TENM1: variants seen among roughly 807,000 people sequenced by gnomAD.
TENM1 encodes teneurin-1.
TENM1 carries 35 observed loss-of-function variants against 174.8 expected under a neutral mutation model. That is an observed-to-expected ratio of 0.20 (90% CI 0.15 to 0.27). TENM1 has a LOEUF of 0.27. Among genes scored for constraint, TENM1 ranks in the 10% least tolerant of loss-of-function variants. The pLI is 1.00. For synonymous variants in TENM1, 781 were observed against 798.7 expected (o/e 0.98, Z 0.37); for missense variants, 1,633 against 2,130.1 (o/e 0.77, Z 4.59).
chrX:124,645,016 G>A, intron 10 of TENM1, 127 bp downstream of exon 13: 1 of 599,113 alleles, frequency 1.7e-6, no homozygotes, highest in Admixed American at 3.5e-5. Flanking sequence ...TCTGCTGCAT[G>A]TACTAAGACG....
chrX:124,670,155 A>T (rs1163566674), intron 6 of TENM1, among the ~76,000 whole-genome samples: 1 of 112,092 alleles, frequency 8.9e-6, no homozygotes, highest in Non-Finnish European at 1.9e-5. Context: ...ATCATCATCA[A>T]CTTACTTTAT....
chrX:124,434,368 T>C (rs1200171957), intron 23 of TENM1, among the ~76,000 whole-genome samples: 1 of 111,645 alleles, frequency 9.0e-6, no homozygotes, highest in Non-Finnish European at 1.9e-5. Context: ...CCTAAGATAG[T>C]TCCTGGGGCC....
intron 20 of TENM1, among the ~76,000 whole-genome samples, chrX:124,493,295 T>C (rs749386884): frequency 2.7e-5 from 3 of 111,993 alleles, no homozygotes; most frequent in Non-Finnish European, 5.6e-5. Flanking sequence ...CTGTTAAGGA[T>C]CCTTGACCAA....
intron 11 of TENM1, among the ~76,000 whole-genome samples, chrX:124,640,655 G>A (rs1763379688): frequency 9.0e-6 from 1 of 111,671 alleles, no homozygotes; most frequent in Non-Finnish European, 1.9e-5. Context: ...TTAGCAATGT[G>A]CATGGTAAGA....
intron 27 of TENM1, among the ~76,000 whole-genome samples, chrX:124,398,631 TC>T (rs1251012137): frequency 9.9e-6 from 1 of 100,850 alleles, no homozygotes; most frequent in Non-Finnish European, 2.1e-5. Context: ...TTTCTTTTTT[TC>T]TTTTTTTTTA....
At chrX:124,873,239 A>C (rs1045911481) in intron 3 of TENM1, among the ~76,000 whole-genome samples, 2 of 111,052 alleles carry the variant, frequency 1.8e-5, no homozygotes, top group African/African-American at 6.5e-5. Context: ...CAGGAAAAAA[A>C]AATCTCCCTC....
At chrX:125,169,015 G>A in the TENM1 span, among the ~76,000 whole-genome samples, 3 of 110,509 alleles carry the variant, frequency 2.7e-5, no homozygotes, top group Admixed American at 1.9e-4. Flanking sequence ...TGCGCACGCA[G>A]ATCATATTTT....
chrX:125,081,822 G>A, the TENM1 span, among the ~76,000 whole-genome samples: 9 of 111,309 alleles, frequency 8.1e-5, no homozygotes, highest in Middle Eastern at 4.6e-3. Context: ...CATAAAAAAT[G>A]GAATCTTGTT....
intron 3 of TENM1, among the ~76,000 whole-genome samples, chrX:124,772,385 C>T (rs2054675764): frequency 8.9e-6 from 1 of 112,043 alleles, no homozygotes; most frequent in South Asian, 3.7e-4. Flanking sequence ...ATCTGCCCTC[C>T]TTGGCTTCGA....
At chrX:125,199,482 G>T in the TENM1 span, among the ~76,000 whole-genome samples, 1 of 112,242 alleles carries the variant, frequency 8.9e-6, no homozygotes, top group Non-Finnish European at 1.9e-5. Flanking sequence ...TAGAGCGGGG[G>T]TGGAGAATCC....
intron 5 of TENM1, among the ~76,000 whole-genome samples, chrX:124,695,317 C>T (rs1240125996): frequency 9.0e-6 from 1 of 111,401 alleles, no homozygotes; most frequent in East Asian, 2.8e-4. Context: ...CCAGGGATGA[C>T]AGATCTATTT....
chrX:124,892,122 G>A (rs1303535663), intron 3 of TENM1, among the ~76,000 whole-genome samples: 4 of 111,732 alleles, frequency 3.6e-5, no homozygotes, highest in Non-Finnish European at 7.5e-5. Flanking sequence ...GTATCACCTA[G>A]GTATTGACTG....
the TENM1 span, among the ~76,000 whole-genome samples, chrX:125,069,620 G>C: frequency 9.1e-6 from 1 of 110,459 alleles, no homozygotes; most frequent in South Asian, 3.9e-4. Flanking sequence ...ATACAGGGGA[G>C]GGAGAGCATC....
At chrX:124,896,790 A>G (rs2057569541) in intron 1 of TENM1, among the ~76,000 whole-genome samples, 1 of 111,827 alleles carries the variant, frequency 8.9e-6, no homozygotes, top group African/African-American at 3.2e-5. Context: ...AGTACCTAAT[A>G]TCATTATTTT....
rs113345804 is a variant in TENM1 at position 124,410,622 on chromosome X, T to C, written c.4983-4133A>G. Among the ~76,000 whole-genome samples, 265 of 111,747 alleles carry C rather than the reference T, an allele frequency of 2.4e-3. 1 individual carries two copies. The highest frequency in any genetic ancestry group is 8.4e-3 in the African/African-American group (259 of 30,730). ...GGAGAAAATTTTTGCAATCTACTCA[T>C]CTGACAAAGGGCTAATATCCAGAAT... On this transcript the variant is annotated intron_variant, in intron 25 of 31. Coordinates refer to ENST00000422452, the Ensembl canonical transcript of TENM1.
chrX:124,810,417 G>A (rs1603222302), intron 3 of TENM1, among the ~76,000 whole-genome samples: 1 of 111,042 alleles, frequency 9.0e-6, no homozygotes, highest in South Asian at 3.8e-4. Flanking sequence ...CCAACTTAAT[G>A]AGTTATCTGA....
At chrX:125,164,664 A>G in the TENM1 span, among the ~76,000 whole-genome samples, 10 of 112,087 alleles carry the variant, frequency 8.9e-5, no homozygotes, top group Non-Finnish European at 1.7e-4. Context: ...TGCCTCATTG[A>G]CTTTTTTCAT....
At chrX:124,411,066 C>T (rs766740592) in intron 25 of TENM1, among the ~76,000 whole-genome samples, 4 of 112,326 alleles carry the variant, frequency 3.6e-5, no homozygotes, top group Non-Finnish European at 7.5e-5. Flanking sequence ...TGAACCTTTG[C>T]AGTGACCTGT....
chrX:125,119,015 T>C, the TENM1 span, among the ~76,000 whole-genome samples: 66 of 111,174 alleles, frequency 5.9e-4, no homozygotes, highest in Non-Finnish European at 1.1e-3. Context: ...GGTGACTCTA[T>C]GTGTATATAT....
Sources: allele counts gnomAD v4.1 joint callset (sites outside exome capture counted in the v4.1 genomes callset), GRCh38; gene constraint gnomAD v4.1.1; transcripts MANE v1.5; gene names NCBI Gene and HGNC (gene_info 2026-07-23, HGNC 2026-07-21).